ENO1: variants seen among roughly 807,000 people sequenced by gnomAD.
ENO1 encodes the protein alpha-enolase.
Under a neutral mutation model 46.3 loss-of-function variants are expected in ENO1, and 33 were observed. The observed-to-expected ratio is 0.71, with a 90% CI of 0.54 to 0.95. The LOEUF (loss-of-function observed/expected upper bound fraction) is 0.95, where lower values mean the gene tolerates loss of function less well. Ranked by LOEUF, ENO1 falls within the 40% of genes least tolerant of loss-of-function variation. The probability of loss-of-function intolerance (pLI) is 0.00; values close to 1 mark genes in which losing one functional copy is unlikely to be tolerated. For missense variants in ENO1, 488 were observed against 553.3 expected, an observed-to-expected ratio of 0.88 and a Z score of 1.18; for synonymous variants, 220 against 216.0, an observed-to-expected ratio of 1.02 and a Z score of -0.16.
At position 8,861,389 on chromosome 1, in the gene ENO1, T is replaced by G. The variant is rs766734256; in HGVS notation, c.1276A>C (p.Arg426=). The G allele has an allele frequency of 1.2e-4, 193 of 1,613,962 alleles. No homozygotes were observed. Among genetic ancestry groups the G allele is most frequent in the Middle Eastern group, 6.6e-4 (4 of 6,028 alleles). ...ELGSKAKFAG[R]NFRNPLAK ...TTGGCCAAGGGGTTTCTGAAGTTCC[T>G]GCCGGCAAACTTAGCCTTGCTGCCC... is the stretch of plus-strand genomic sequence containing the variant. Residue 426 remains arginine, a synonymous_variant, in exon 12 of 12, where the codon AGG becomes CGG. Transcript: ENST00000234590.
rs1011830401 is a variant in ENO1, at chr1:8,874,953, G to A, written c.-9-36C>T. ...AACACACAGTTCATGTTTTCCATAA[G>A]CCATAATGCTGCATTTCCTCACTCA... On this transcript the variant is annotated intron_variant, in intron 1 of 11. Coordinates refer to ENST00000234590, the MANE Select transcript of ENO1 (RefSeq NM_001428.5). The A allele has an allele frequency of 6.5e-6, 10 of 1,547,924 alleles. No homozygotes were observed. In the Admixed American group the frequency reaches 6.8e-5, roughly 11 times the overall value.
At chr1:8,866,570 G>C (rs773146995) in intron 6 of ENO1, 69 bp from the exon 7 acceptor site, 1 of 1,527,126 alleles carries the variant, frequency 6.5e-7, no homozygotes, top group South Asian at 1.1e-5. Flanking sequence ...AAGCCCCTCT[G>C]GTCCTACCAT....
At chr1:8,876,741 T>C (rs1047143097) in intron 1 of ENO1, among the ~76,000 whole-genome samples, 1 of 148,210 alleles carries the variant, frequency 6.7e-6, no homozygotes, top group South Asian at 2.1e-4. Context: ...GAGCTTGCAG[T>C]GAGTCGAGAT....
At chr1:8,874,970 CCTCA>C in intron 1 of ENO1, 53 bp from the exon 2 acceptor site, 7 of 1,454,684 alleles carry the variant, frequency 4.8e-6, no homozygotes, top group Non-Finnish European at 5.8e-6. Context: ...TGCTGCATTT[CCTCA>C]CTCATTCAAG....
Position 8,867,183 on chromosome 1 carries a change from C to T in ENO1, c.378G>A (p.Lys126=). ...CGATGTGGCGGTACAGGGGGACCCC[C>T]TTCTCAACGGCACCAGCTTTGCAGA... ...LAVCKAGAVE[K]GVPLYRHIAD... Residue 126 remains lysine, a synonymous_variant, in exon 6 of 12, where the codon AAG becomes AAA. Transcript: ENST00000234590. The T allele has an allele frequency of 6.2e-7, 1 of 1,614,202 alleles. No homozygotes were observed. Among genetic ancestry groups the T allele is most frequent in the Non-Finnish European group, 8.5e-7 (1 of 1,180,028 alleles).
At chr1:8,865,568 A>C (rs1642494243) in intron 7 of ENO1, 86 bp from the exon 8 acceptor site, 1 of 1,338,738 alleles carries the variant, frequency 7.5e-7, no homozygotes, top group African/African-American at 1.5e-5. Context: ...AGGGACTGTA[A>C]CACAAAGATC....
intron 2 of ENO1, among the ~76,000 whole-genome samples, chr1:8,873,297 T>A (rs150823319): frequency 6.6e-6 from 1 of 152,330 alleles, no homozygotes; most frequent in African/African-American, 2.4e-5. Context: ...ACCTTCCGCC[T>A]GCTTCTGCTG....
rs761689000 is a variant in ENO1 at position 8,874,889 on chromosome 1, T to C, written c.20A>G (p.His7Arg). ...GCGAGAGTCAAAGATCTCCCTGGCA[T>C]GGATCTTGAGAATAGACATGGTGAA... is the stretch of plus-strand genomic sequence containing the variant. MSILKI[H>R]AREIFDSRGN... Residue 7 changes from histidine to arginine, a missense_variant, in exon 2 of 12, where the codon CAT (histidine) becomes CGT (arginine). Transcript: ENST00000234590. The C allele has an allele frequency of 2.5e-6, 4 of 1,613,862 alleles. No individual in the cohort carries two copies. Among genetic ancestry groups the C allele is most frequent in the East Asian group, 2.2e-5 (1 of 44,886 alleles).
intron 11 of ENO1, among the ~76,000 whole-genome samples, chr1:8,862,386 G>C (rs571789614): frequency 3.3e-5 from 5 of 152,054 alleles, no homozygotes; most frequent in African/African-American, 9.7e-5. Flanking sequence ...GGTGGCGGGC[G>C]GGGGGACAAG....
At chr1:8,864,181 G>T in intron 8 of ENO1, 89 bp from the exon 9 acceptor site, 1 of 1,427,820 alleles carries the variant, frequency 7.0e-7, no homozygotes, top group Non-Finnish European at 9.9e-7. Flanking sequence ...TTGACTTGCT[G>T]CTCGCCTGGC....
chr1:8,862,720 ACT>A (rs1471632582), intron 11 of ENO1, among the ~76,000 whole-genome samples, 165 bp downstream of exon 11: 6 of 152,228 alleles, frequency 3.9e-5, no homozygotes, highest in Admixed American at 2.6e-4. Flanking sequence ...TCTAGGCCTA[ACT>A]CTGTCCTGAC....
intron 4 of ENO1, among the ~76,000 whole-genome samples, chr1:8,868,356 C>A (rs1268599419): frequency 6.6e-6 from 1 of 152,002 alleles, no homozygotes; most frequent in Non-Finnish European, 1.5e-5. Context: ...GACTTTACAC[C>A]CAAGAGAACT....
At position 8,870,448 on chromosome 1, in the gene ENO1, C is replaced by T; in HGVS notation, c.240+4G>A. The T allele has an allele frequency of 1.2e-6, 2 of 1,614,184 alleles. No homozygotes were observed. Among genetic ancestry groups the T allele is most frequent in the Non-Finnish European group, 1.7e-6 (2 of 1,180,028 alleles). ...CACATTAGTTATCAGGAGGCAGGTCCTACCTTGCTAACCAGGGCAGGCGCA... is the reference window on the plus strand; with the variant it reads ...CACATTAGTTATCAGGAGGCAGGTCTTACCTTGCTAACCAGGGCAGGCGCA... On this transcript the variant is annotated splice_donor_region_variant and intron_variant, in intron 4 of 11. Transcript: ENST00000234590.
intron 11 of ENO1, 101 bp from the exon 12 acceptor site, chr1:8,861,530 A>C: frequency 8.3e-7 from 1 of 1,200,632 alleles, no homozygotes; most frequent in Non-Finnish European, 1.2e-6. Flanking sequence ...ACACAGCCCC[A>C]CTCCTGGGAA....
intron 3 of ENO1, chr1:8,871,191 C>T: frequency 9.3e-7 from 1 of 1,073,034 alleles, no homozygotes; most frequent in Non-Finnish European, 1.1e-6. Context: ...ACCACTGCGA[C>T]ACCAGCCCAG....
At chr1:8,868,240 T>G (rs1247140077) in intron 4 of ENO1, among the ~76,000 whole-genome samples, 183 bp from the exon 5 acceptor site, 6 of 152,078 alleles carry the variant, frequency 3.9e-5, no homozygotes, top group Non-Finnish European at 8.8e-5. Flanking sequence ...GCCTTCTGCT[T>G]GCTTTGATGG....
intron 3 of ENO1, chr1:8,870,723 C>T: frequency 7.0e-7 from 1 of 1,429,860 alleles, no homozygotes; most frequent in Non-Finnish European, 9.1e-7. Flanking sequence ...GTTAGAGCCA[C>T]ACAAAACAGC....
At chr1:8,871,048 A>C (rs1023869129) in intron 3 of ENO1, 1 of 1,234,220 alleles carries the variant, frequency 8.1e-7, no homozygotes, top group African/African-American at 1.6e-5. Flanking sequence ...AGCACTCATT[A>C]CCATCAAGGC....
chr1:8,866,258 G>A (rs1642512183), intron 7 of ENO1, 21 bp downstream of exon 7: 3 of 1,605,032 alleles, frequency 1.9e-6, no homozygotes, highest in Non-Finnish European at 2.6e-6. Flanking sequence ...GGGTGGGGGG[G>A]CGGTTCCCTA....
Sources: allele counts gnomAD v4.1 joint callset (sites outside exome capture counted in the v4.1 genomes callset), GRCh38; gene constraint gnomAD v4.1.1; transcripts MANE v1.5; gene names NCBI Gene and HGNC (gene_info 2026-07-23, HGNC 2026-07-21).